DCLK3: variants seen among roughly 807,000 people sequenced by gnomAD.
DCLK3 encodes doublecortin like kinase 3, also known as serine/threonine-protein kinase DCLK3.
DCLK3 carries 30 observed loss-of-function variants against 46.4 expected under a neutral mutation model. The observed-to-expected ratio is 0.65, with a 90% CI of 0.48 to 0.88. DCLK3 has a LOEUF of 0.88. Among genes scored for constraint, DCLK3 ranks in the 40% least tolerant of loss-of-function variants. The pLI is 0.00. For missense variants in DCLK3, 846 were observed against 907.1 expected (o/e 0.93, Z 0.87); for synonymous variants, 401 against 339.2 (o/e 1.18, Z -2.00).
intron 1 of DCLK3, among the ~76,000 whole-genome samples, chr3:36,745,325 T>C (rs1701384271): frequency 6.6e-6 from 1 of 152,194 alleles, no homozygotes; most frequent in African/African-American, 2.4e-5. Context: ...CGTCAGAATT[T>C]TCATCTTGGC....
intron 2 of DCLK3, among the ~76,000 whole-genome samples, chr3:36,728,053 G>C (rs774065774): frequency 2.0e-5 from 3 of 152,184 alleles, no homozygotes; most frequent in Admixed American, 6.5e-5. Context: ...TATCGTTCAT[G>C]TCTGAATGAA....
At chr3:36,729,674 A>C (rs1701173684) in intron 2 of DCLK3, 1 of 152,220 alleles carries the variant, frequency 6.6e-6, no homozygotes, top group African/African-American at 2.4e-5. Flanking sequence ...AGTACAGACC[A>C]AACAACAAGT....
chr3:36,730,263 T>C (rs915794679), intron 2 of DCLK3, among the ~76,000 whole-genome samples: 5 of 149,850 alleles, frequency 3.3e-5, no homozygotes, highest in Non-Finnish European at 5.9e-5. Flanking sequence ...AAAGTATGAC[T>C]GAAAAAAAAA....
At chr3:36,747,847 A>G (rs533268666) in intron 1 of DCLK3, among the ~76,000 whole-genome samples, 1 of 152,208 alleles carries the variant, frequency 6.6e-6, no homozygotes, top group Non-Finnish European at 1.5e-5. Flanking sequence ...TTAGAAATGC[A>G]GAATTTCAGG....
At chr3:36,740,397 A>G (rs1057418649) in intron 1 of DCLK3, among the ~76,000 whole-genome samples, 2 of 152,156 alleles carry the variant, frequency 1.3e-5, no homozygotes, top group East Asian at 1.9e-4. Flanking sequence ...ATGGACCCAC[A>G]TGATGTGGTA....
At chr3:36,717,152 G>A (rs1700994517) in intron 4 of DCLK3, among the ~76,000 whole-genome samples, 1 of 152,204 alleles carries the variant, frequency 6.6e-6, no homozygotes. Flanking sequence ...CAGGGTCTCT[G>A]TCACCCAGGC....
At chr3:36,745,054 C>T (rs1295182734) in intron 1 of DCLK3, among the ~76,000 whole-genome samples, 1 of 152,212 alleles carries the variant, frequency 6.6e-6, no homozygotes, top group Non-Finnish European at 1.5e-5. Flanking sequence ...CAGCTCTCCA[C>T]CTTATTAGGC....
chr3:36,725,864 A>G (rs1701119542), intron 2 of DCLK3, among the ~76,000 whole-genome samples: 1 of 152,128 alleles, frequency 6.6e-6, no homozygotes, highest in Non-Finnish European at 1.5e-5. Context: ...CCTTTTTCCC[A>G]TTCAAAACTT....
intron 4 of DCLK3, among the ~76,000 whole-genome samples, chr3:36,717,179 A>T (rs1360654068): frequency 6.6e-6 from 1 of 152,142 alleles, no homozygotes; most frequent in Non-Finnish European, 1.5e-5. Context: ...GTGGTGGCAC[A>T]ATCATAGCTC....
chr3:36,717,725 G>T (rs1701002284), intron 4 of DCLK3, among the ~76,000 whole-genome samples: 1 of 152,160 alleles, frequency 6.6e-6, no homozygotes, highest in African/African-American at 2.4e-5. Flanking sequence ...TTCCAAAGGG[G>T]AGTTACAATG....
chr3:36,760,729 T>C (rs1446960714), intron 1 of DCLK3, among the ~76,000 whole-genome samples: 1 of 152,206 alleles, frequency 6.6e-6, no homozygotes, highest in African/African-American at 2.4e-5. Flanking sequence ...TATATTTTAA[T>C]AAGATCCCCA....
chr3:36,756,984 G>C (rs936365349), intron 1 of DCLK3, among the ~76,000 whole-genome samples: 1 of 151,910 alleles, frequency 6.6e-6, no homozygotes, highest in Admixed American at 6.5e-5. Flanking sequence ...GACCAGGAGA[G>C]AGCATAAGTT....
In DCLK3 at chr3:36,714,306, T is replaced by A. The variant is rs1700948036; in HGVS notation, c.*1022A>T. 1 of 152,150 alleles carries A rather than the reference T, an allele frequency of 6.6e-6. No homozygotes were observed. The highest frequency in any genetic ancestry group is 2.1e-4 in the South Asian group (1 of 4,828). The allele number at this position is 152,150 out of a possible 1,614,324, so 9.4% of individuals were successfully genotyped here. On this transcript the variant is annotated 3_prime_UTR_variant, in exon 5 of 5. Coordinates refer to ENST00000636136, the MANE Select transcript of DCLK3 (RefSeq NM_001394672.2). ...GAAAAAGCCACACTCTTGACTAGAT[T>A]TTGTGGCCTACTAACCAGGTCATTC...
At position 36,715,293 on chromosome 3, in the gene DCLK3, A is replaced by C; in HGVS notation, c.*35T>G. The C allele has an allele frequency of 6.2e-7, 1 of 1,606,982 alleles. No homozygotes were observed. The highest frequency in any genetic ancestry group is 1.1e-5 in the South Asian group (1 of 89,470). On this transcript the variant is annotated 3_prime_UTR_variant, in exon 5 of 5. Transcript: ENST00000636136. ...TCTATCCTTTTCTCTGTCCTTGAGC[A>C]GAACTGGGGGCTGGACAGATTCCCA...
chr3:36,742,578 C>T (rs1393017750), intron 1 of DCLK3, among the ~76,000 whole-genome samples: 1 of 152,200 alleles, frequency 6.6e-6, no homozygotes, highest in African/African-American at 2.4e-5. Flanking sequence ...ATTCAGTCTC[C>T]ACCTCCTCAG....
At position 36,729,258 on chromosome 3, in the gene DCLK3, G is replaced by GGC. The variant is rs1352710689; in HGVS notation, c.1960-7600_1960-7599insGC. 2.4e-4 allele frequency among the ~76,000 whole-genome samples: 35 copies of GGC among 146,930 alleles called. 1 individual carries two copies. The highest frequency in any genetic ancestry group is 8.7e-4 in the African/African-American group (35 of 40,086). On this transcript the variant is annotated intron_variant, in intron 2 of 4. Transcript: ENST00000636136. ...GGTTGTGTGTGTGTGTGGGGGGGGG[G>GGC]GGTACAAAAGCCCCCTTTACACACA... is the stretch of plus-strand genomic sequence containing the variant.
chr3:36,729,402 G>A (rs1489152869), intron 2 of DCLK3, among the ~76,000 whole-genome samples: 1 of 152,174 alleles, frequency 6.6e-6, no homozygotes, highest in Non-Finnish European at 1.5e-5. Context: ...CTGAAAGGGT[G>A]TAAGAGGTTG....
chr3:36,760,920 C>T (rs1026235675), intron 1 of DCLK3, among the ~76,000 whole-genome samples: 9 of 152,214 alleles, frequency 5.9e-5, no homozygotes, highest in Non-Finnish European at 1.2e-4. Context: ...AATAAGGAAA[C>T]CGAGGCTCAG....
intron 1 of DCLK3, among the ~76,000 whole-genome samples, chr3:36,756,006 G>A (rs1701481759): frequency 6.6e-6 from 1 of 152,190 alleles, no homozygotes; most frequent in Non-Finnish European, 1.5e-5. Context: ...CCAGTGGCCA[G>A]AGCTGGTCAC....
Sources: gnomAD v4.1 joint callset for allele counts (sites outside exome capture counted in the v4.1 genomes callset) on GRCh38, gnomAD v4.1.1 for gene constraint, MANE v1.5 for transcripts, NCBI Gene and HGNC (gene_info 2026-07-23, HGNC 2026-07-21) for gene names.